PCARE: variants seen among roughly 807,000 people sequenced by gnomAD.
The protein encoded by PCARE is photoreceptor cilium actin regulator.
Under a neutral mutation model 82.2 loss-of-function variants are expected in PCARE, and 72 were observed. The ratio of observed to expected loss-of-function variants is 0.88; its 90% confidence interval spans 0.72 to 1.07. The LOEUF is 1.07. PCARE is among the 50% of genes least tolerant of loss of function. The pLI is 0.00. For synonymous variants in PCARE, 705 were observed against 634.8 expected (o/e 1.11, Z -1.66); for missense variants, 1,768 against 1,592.4 (o/e 1.11, Z -1.88).
chr2:29,071,080 G>A lies in PCARE; in HGVS notation c.3182C>T (p.Pro1061Leu), dbSNP rs756835422. ...PHQPKLPNPP[P>L]ESAPAQCKVP... ...CTTGCACTGAGCAGGTGCACTCTCGGGGGGAGGGTTGGGCAACTTGGGCTG... is the reference window on the plus strand; with the variant it reads ...CTTGCACTGAGCAGGTGCACTCTCGAGGGGAGGGTTGGGCAACTTGGGCTG... Residue 1061 changes from proline to leucine, a missense_variant, in exon 1 of 2, where the codon CCC becomes CTC. By Grantham distance (98) the Pro-to-Leu change is moderately conservative (BLOSUM62 -3). Coordinates refer to ENST00000331664, the MANE Select transcript of PCARE (RefSeq NM_001029883.3). 1.3e-6 allele frequency: 2 copies of A among 1,591,296 alleles called. No homozygotes were observed. The highest frequency in any genetic ancestry group is 1.1e-5 in the South Asian group (1 of 89,698).
rs375443061 is a variant in PCARE, at chr2:29,070,955, T to C, written c.3307A>G (p.Arg1103Gly). Residue 1103 changes from arginine to glycine, a missense_variant, in exon 1 of 2, where the codon AGA (arginine) becomes GGA (glycine). Arg to Gly is a moderately radical substitution (Grantham distance 125). Transcript: ENST00000331664. ...MSPSQEHKETRDSEDSQAVIA... is the reference protein window; with the variant it reads ...MSPSQEHKETGDSEDSQAVIA... ...ACTGCTTGGCTGTCTTCAGAGTCTCTTGTTTCCTTGTGCTCCTGAGAAGGG... is the reference window on the plus strand; with the variant it reads ...ACTGCTTGGCTGTCTTCAGAGTCTCCTGTTTCCTTGTGCTCCTGAGAAGGG... 7.1e-5 allele frequency: 114 copies of C among 1,613,200 alleles called. 2 individuals carry two copies. The South Asian group carries it at 9.1e-4, about 13-fold the overall frequency.
In PCARE at chr2:29,072,113, CCT is replaced by C; in HGVS notation, c.2147_2148del (p.Lys716SerfsTer20). 2 of 1,614,224 alleles carry C rather than the reference CCT, an allele frequency of 1.2e-6. No homozygotes were observed. The highest frequency in any genetic ancestry group is 1.7e-6 in the Non-Finnish European group (2 of 1,180,040). ...CAGCCTCTGACATTCCAGTCTGTGG[CCT>C]TGGCAGCCTCACTGACCTCTCCTGA... ...IPSGEVSEAA[K>X]ATDWNVRGCP... is the part of the protein sequence containing the mutation. On this transcript the variant is annotated frameshift_variant, in exon 1 of 2. Transcript: ENST00000331664. LOFTEE classifies it high-confidence loss of function.
chr2:29,065,248 C>T (rs1667374942), intron 1 of PCARE, among the ~76,000 whole-genome samples, 181 bp from the exon 2 acceptor site: 1 of 152,136 alleles, frequency 6.6e-6, no homozygotes, highest in African/African-American at 2.4e-5. Context: ...CCGCCATTGC[C>T]GTGTGCCTGC....
In PCARE at chr2:29,061,900, C is replaced by T. The variant is rs1667314466; in HGVS notation, c.*2969G>A. 2 of 152,280 alleles carry T rather than the reference C, an allele frequency of 1.3e-5. No individual in the cohort carries two copies. Among genetic ancestry groups the T allele is most frequent in the South Asian group, 4.1e-4 (2 of 4,824 alleles). The allele number at this position is 152,280 out of a possible 1,614,324, so 9.4% of individuals were successfully genotyped here. On this transcript the variant is annotated 3_prime_UTR_variant, in exon 2 of 2. Transcript: ENST00000331664. Reference sequence around the variant, plus strand: ...CCTCCTGCCACCAGCAATGCGTGCTCCAAGGCAGACTCAAGTTTGTGGAAG... The same window carrying T: ...CCTCCTGCCACCAGCAATGCGTGCTTCAAGGCAGACTCAAGTTTGTGGAAG...
Position 29,072,228 on chromosome 2 carries a change from A to C in PCARE, c.2034T>G (p.Pro678=). The change falls in exon 1 of 2, where the codon CCT becomes CCG. Residue 678 remains proline, a synonymous_variant. Coordinates refer to ENST00000331664, the MANE Select transcript of PCARE (RefSeq NM_001029883.3). ...ASLTKNFSIL[P]SQDKSILQKC... is the part of the protein sequence containing the mutation. ...TCTGCAAGATGCTCTTGTCCTGACTAGGCAAAATACTGAAGTTCTTGGTGA... is the reference window on the plus strand; with the variant it reads ...TCTGCAAGATGCTCTTGTCCTGACTCGGCAAAATACTGAAGTTCTTGGTGA... 1 of 1,614,188 alleles carries C rather than the reference A, an allele frequency of 6.2e-7. No individual in the cohort carries two copies. The highest frequency in any genetic ancestry group is 8.5e-7 in the Non-Finnish European group (1 of 1,180,044).
chr2:29,068,273 G>C (rs1274046164), intron 1 of PCARE, among the ~76,000 whole-genome samples: 11 of 152,322 alleles, frequency 7.2e-5, no homozygotes, highest in African/African-American at 2.6e-4. Flanking sequence ...AGTGGCTGGG[G>C]AAGTTTATCT....
At position 29,071,898 on chromosome 2, in the gene PCARE, G is replaced by A. The variant is rs1667495231; in HGVS notation, c.2364C>T (p.Gly788=). ...CTATGCCCATTTTGAGAGATTCTCT[G>A]CCTGATGCTGGAGAAATTTGGGGCT... ...YPKPQISPAS[G]RESLKMGIGW... The change falls in exon 1 of 2, where the codon GGC becomes GGT. Residue 788 remains glycine (G), a synonymous_variant. Transcript: ENST00000331664. 1 of 1,614,212 alleles carries A rather than the reference G, an allele frequency of 6.2e-7. No homozygotes were observed. The highest frequency in any genetic ancestry group is 2.2e-5 in the East Asian group (1 of 44,884).
At position 29,073,501 on chromosome 2, in the gene PCARE, G is replaced by T. The variant is rs961120481; in HGVS notation, c.761C>A (p.Pro254His). Residue 254 changes from proline (P) to histidine (H), a missense_variant, in exon 1 of 2, where the codon CCT becomes CAT. By Grantham distance (77) the Pro-to-His change is moderately conservative. Transcript: ENST00000331664. ...CTCCTGGGGCTCTCTTTTCTTCAAA[G>T]GCCAAGCCAGATCCTCCCTGACTTC... ...LQEVREDLAW[P>H]LKKREPQEQP... 1 of 1,614,130 alleles carries T rather than the reference G, an allele frequency of 6.2e-7. No individual in the cohort carries two copies. The highest frequency in any genetic ancestry group is 8.5e-7 in the Non-Finnish European group (1 of 1,180,002).
chr2:29,065,483 T>A (rs764587006), intron 1 of PCARE, among the ~76,000 whole-genome samples: 13 of 152,254 alleles, frequency 8.5e-5, no homozygotes, highest in Non-Finnish European at 1.6e-4. Context: ...TTCGCTCAGC[T>A]GCCACCCTTT....
chr2:29,064,438 G>A lies in PCARE; in HGVS notation c.*431C>T, dbSNP rs1667360983. 3.9e-6 allele frequency: 1 copy of A among 255,198 alleles called. No homozygotes were observed. The highest frequency in any genetic ancestry group is 5.6e-5 in the South Asian group (1 of 17,776). The allele number at this position is 255,198 out of a possible 1,614,324, so 15.8% of individuals were successfully genotyped here. ...TGACCTTCAGCCAGACACTTGAGGG[G>A]GCCTCTCCCCACACCTTCGGTTTTC... is the stretch of plus-strand genomic sequence containing the variant. On this transcript the variant is annotated 3_prime_UTR_variant, in exon 2 of 2. Coordinates refer to ENST00000331664, the MANE Select transcript of PCARE (RefSeq NM_001029883.3).
Position 29,072,091 on chromosome 2 carries a change from C to A in PCARE, c.2171G>T (p.Gly724Val). Residue 724 changes from glycine to valine, a missense_variant, in exon 1 of 2, where the codon GGC (glycine) becomes GTC (valine). Coordinates refer to ENST00000331664, the MANE Select transcript of PCARE (RefSeq NM_001029883.3). ...CTTGACGGATGTTCTGGTGGGACAG[C>A]CTCTGACATTCCAGTCTGTGGCCTT... is the stretch of plus-strand genomic sequence containing the variant. ...AAKATDWNVR[G>V]CPTRTSVKKL... The A allele has an allele frequency of 6.2e-7, 1 of 1,614,254 alleles. No individual in the cohort carries two copies. The highest frequency in any genetic ancestry group is 1.3e-5 in the African/African-American group (1 of 75,060).
intron 1 of PCARE, 130 bp from the exon 2 acceptor site, chr2:29,065,197 G>T: frequency 9.0e-7 from 1 of 1,111,996 alleles, no homozygotes; most frequent in Middle Eastern, 2.5e-4. Flanking sequence ...CACCCTGGGT[G>T]CCAGGCCTCT....
At chr2:29,067,622 G>C (rs1667410360) in intron 1 of PCARE, among the ~76,000 whole-genome samples, 1 of 152,174 alleles carries the variant, frequency 6.6e-6, no homozygotes, top group East Asian at 1.9e-4. Flanking sequence ...TTGGCTCACT[G>C]TAACTGCCAC....
At chr2:29,069,472 G>A (rs999651343) in intron 1 of PCARE, among the ~76,000 whole-genome samples, 6 of 152,144 alleles carry the variant, frequency 3.9e-5, no homozygotes, top group Non-Finnish European at 7.4e-5. Context: ...CTTATAAGTG[G>A]GAGCTAAATG....
In PCARE at chr2:29,064,333, G is replaced by A. The variant is rs1667359718; in HGVS notation, c.*536C>T. On this transcript the variant is annotated 3_prime_UTR_variant, in exon 2 of 2. Transcript: ENST00000331664. ...AGTGACGCAATAGTTACGGGCAATGGAATGTAATAAAAAGAGCAGAGAGAT... is the reference window on the plus strand; with the variant it reads ...AGTGACGCAATAGTTACGGGCAATGAAATGTAATAAAAAGAGCAGAGAGAT... The A allele has an allele frequency of 5.9e-6, 1 of 169,264 alleles. No homozygotes were observed. The highest frequency in any genetic ancestry group is 1.3e-5 in the Non-Finnish European group (1 of 77,500). The allele number at this position is 169,264 out of a possible 1,614,324, so 10.5% of individuals were successfully genotyped here.
In PCARE at chr2:29,071,247, T is replaced by C; in HGVS notation, c.3015A>G (p.Ala1005=). The C allele has an allele frequency of 6.2e-7, 1 of 1,612,884 alleles. No homozygotes were observed. Among genetic ancestry groups the C allele is most frequent in the African/African-American group, 1.3e-5 (1 of 74,958 alleles). ...AGGGAAGGCTCCGGCGCCTCTTGTCTGCTTGAGGCACCCAGTGTGTCCTCG... is the reference window on the plus strand; with the variant it reads ...AGGGAAGGCTCCGGCGCCTCTTGTCCGCTTGAGGCACCCAGTGTGTCCTCG... ...SPTRTHWVPQ[A]DKRRRSLPSS... The change falls in exon 1 of 2, where the codon GCA becomes GCG. Residue 1005 remains alanine, a synonymous_variant. Transcript: ENST00000331664.
At position 29,074,048 on chromosome 2, in the gene PCARE, T is replaced by C; in HGVS notation, c.214A>G (p.Lys72Glu). 6.2e-7 allele frequency: 1 copy of C among 1,614,226 alleles called. No homozygotes were observed. The highest frequency in any genetic ancestry group is 8.5e-7 in the Non-Finnish European group (1 of 1,180,034). ...PSPRRNQTTA[K>E]GLCQLMGDPA... ...TCTCCCATGAGCTGACAAAGACCTT[T>C]AGCTGTGGTTTGGTTCCTCCTGGGA... Residue 72 changes from lysine (K) to glutamate (E), a missense_variant, in exon 1 of 2, where the codon AAA (lysine) becomes GAA (glutamate). Physicochemically the swap from Lys to Glu is moderately conservative, Grantham distance 56 (BLOSUM62 1). Transcript: ENST00000331664.
At position 29,065,100 on chromosome 2, in the gene PCARE, ACTC is replaced by A. The variant is rs532940730; in HGVS notation, c.3669-36_3669-34del. ...GAGAAAGGACAAGTGCAGGTCAGAC[ACTC>A]CTCCTCTGCTGCTCCTTCCTGCCCC... On this transcript the variant is annotated intron_variant, in intron 1 of 1. Transcript: ENST00000331664. 505 of 1,543,538 alleles carry A rather than the reference ACTC, an allele frequency of 3.3e-4. 2 individuals are homozygous for A. The African/African-American group carries it at 6.1e-3, about 19-fold the overall frequency.
Position 29,064,803 on chromosome 2 carries a change from G to A in PCARE, c.*66C>T. The A allele has an allele frequency of 6.3e-7, 1 of 1,594,784 alleles. No homozygotes were observed. Among genetic ancestry groups the A allele is most frequent in the South Asian group, 1.1e-5 (1 of 90,160 alleles). On this transcript the variant is annotated 3_prime_UTR_variant, in exon 2 of 2. Coordinates refer to ENST00000331664, the MANE Select transcript of PCARE (RefSeq NM_001029883.3). ...TTGCCCATCATCTCTGGGTCAGGCT[G>A]GACACTTGGCTGTCACACTTGGCCT...
Sources: gnomAD v4.1 joint callset for allele counts (sites outside exome capture counted in the v4.1 genomes callset) on GRCh38, gnomAD v4.1.1 for gene constraint, MANE v1.5 for transcripts, NCBI Gene and HGNC (gene_info 2026-07-23, HGNC 2026-07-21) for gene names.